SLCO3A1: variants seen among roughly 807,000 people sequenced by gnomAD.
SLCO3A1 encodes PGE1 transporter.
A neutral mutation model predicts 63.1 loss-of-function variants in SLCO3A1; 27 were observed. The observed-to-expected ratio is 0.43, with a 90% CI of 0.32 to 0.59. The LOEUF (loss-of-function observed/expected upper bound fraction) is 0.59. SLCO3A1 is among the 20% of genes least tolerant of loss of function. The pLI is 0.09. For missense variants in SLCO3A1, 773 were observed against 945.8 expected (o/e 0.82, Z 2.40); for synonymous variants, 473 against 409.9 (o/e 1.15, Z -1.86).
intron 2 of SLCO3A1, among the ~76,000 whole-genome samples, chr15:92,007,591 G>C (rs1243667465): frequency 4.6e-5 from 7 of 152,182 alleles, no homozygotes; most frequent in African/African-American, 1.7e-4. Context: ...TGCATAGGAA[G>C]GGAGGAGCAA....
intron 1 of SLCO3A1, among the ~76,000 whole-genome samples, chr15:91,910,827 A>T (rs1465866066): frequency 1.3e-5 from 2 of 152,230 alleles, no homozygotes; most frequent in African/African-American, 4.8e-5. Context: ...CCAGTCTTGC[A>T]GGTGGGAGGA....
chr15:91,880,399 C>CTGTGTGTGTGTGTGTGTGTGTGTGTG (rs1158728794), intron 1 of SLCO3A1, among the ~76,000 whole-genome samples: 2 of 114,480 alleles, frequency 1.7e-5, no homozygotes, highest in African/African-American at 6.4e-5. Context: ...CTCTCTCTCT[C>CTGTGTGTGTGTGTGTGTGTGTGTGTG]TCTCTCTCTC....
intron 2 of SLCO3A1, among the ~76,000 whole-genome samples, chr15:92,083,440 T>C (rs2047370227): frequency 6.6e-6 from 1 of 152,148 alleles, no homozygotes; most frequent in Non-Finnish European, 1.5e-5. Flanking sequence ...GAGGTTTGAG[T>C]GCAGGGCAGC....
chr15:91,974,785 G>C (rs1442697755), intron 2 of SLCO3A1, among the ~76,000 whole-genome samples: 1 of 152,206 alleles, frequency 6.6e-6, no homozygotes, highest in Non-Finnish European at 1.5e-5. Flanking sequence ...CTGTGATAGG[G>C]TAGGGGTGAC....
chr15:91,866,770 G>A lies in SLCO3A1; in HGVS notation c.180+12682G>A, dbSNP rs573247139. Among the ~76,000 whole-genome samples, 7 of 152,080 alleles carry A rather than the reference G, an allele frequency of 4.6e-5. No homozygotes were observed. The South Asian group carries it at 8.3e-4, about 18-fold the overall frequency. On this transcript the variant is annotated intron_variant, in intron 1 of 9. Transcript: ENST00000318445. The stretch of plus-strand genomic sequence containing the variant: ...TCATTAATGACTCATTCATTAGGAC[G>A]TTTCAGGTCCTGGGCCAGGTGGCAG...
downstream of SLCO3A1, among the ~76,000 whole-genome samples, chr15:92,170,348 C>G (rs1434010051): frequency 6.6e-6 from 1 of 152,202 alleles, no homozygotes; most frequent in Non-Finnish European, 1.5e-5. Context: ...ACCTGCTACC[C>G]ACGTGCCGGG....
At chr15:91,940,779 T>A (rs946067863) in intron 2 of SLCO3A1, among the ~76,000 whole-genome samples, 5 of 152,130 alleles carry the variant, frequency 3.3e-5, no homozygotes, top group Non-Finnish European at 5.9e-5. Flanking sequence ...TCCCCCTTTC[T>A]ATGGGGAGAT....
Position 91,885,826 on chromosome 15 carries a change from A to T in SLCO3A1, c.181-30167A>T, listed in dbSNP as rs187056306. Among the ~76,000 whole-genome samples, 34 of 152,318 alleles carry T rather than the reference A, an allele frequency of 2.2e-4. No individual in the cohort carries two copies. Among genetic ancestry groups the T allele is most frequent in the Non-Finnish European group, 1.0e-4 (7 of 68,040 alleles). On this transcript the variant is annotated intron_variant, in intron 1 of 9. Coordinates refer to ENST00000318445, the MANE Select transcript of SLCO3A1 (RefSeq NM_013272.4). The surrounding 1 kb of genome is among the most constrained non-coding windows in gnomAD (Gnocchi z 4.7). ...CTCTCTGGGCGGGTGATATTTGAGT[A>T]GATTTGAAAGAAGTGTGAGATCAAA...
At chr15:91,978,661 T>C (rs1158125041) in intron 2 of SLCO3A1, among the ~76,000 whole-genome samples, 2 of 152,386 alleles carry the variant, frequency 1.3e-5, no homozygotes, top group Non-Finnish European at 2.9e-5. Flanking sequence ...TTGGAGTTTA[T>C]TTATTAACCC....
chr15:91,986,093 G>A (rs4312282), intron 2 of SLCO3A1, among the ~76,000 whole-genome samples: 34,720 of 152,046 alleles, frequency 0.23, 4,445 homozygotes, highest in East Asian at 0.34. Context: ...CAGTGGAGGT[G>A]GGCTCTGGGA....
intron 2 of SLCO3A1, among the ~76,000 whole-genome samples, chr15:92,042,908 T>TTTTAA (rs2046816709): frequency 2.6e-5 from 4 of 151,862 alleles, no homozygotes; most frequent in Non-Finnish European, 4.4e-5. Context: ...CATCAGCAGG[T>TTTTAA]GTTAAGGTGT....
downstream of SLCO3A1, chr15:92,166,055 G>A: frequency 6.6e-6 from 2 of 304,412 alleles, no homozygotes; most frequent in Non-Finnish European, 9.6e-6. Context: ...TTTGTTTTTT[G>A]TTTTGTTTTG....
In SLCO3A1 at chr15:92,033,866, A is replaced by G. The variant is rs2046687498; in HGVS notation, c.647-61015A>G. ...GTTATCTGGAGGAAAAACATTCCAG[A>G]CAGACCAGTGAGGGCTGAGGCTTAT... On this transcript the variant is annotated intron_variant, in intron 2 of 9. Transcript: ENST00000318445. This position sits in a 1 kb window ranked among gnomAD's most constrained non-coding sequence, Gnocchi z 4.5. 6.6e-6 allele frequency among the ~76,000 whole-genome samples: 1 copy of G among 152,130 alleles called. No homozygotes were observed. The highest frequency in any genetic ancestry group is 1.5e-5 in the Non-Finnish European group (1 of 68,002).
intron 4 of SLCO3A1, 133 bp downstream of exon 4, chr15:92,104,675 C>T: frequency 1.1e-6 from 1 of 885,114 alleles, no homozygotes; most frequent in Non-Finnish European, 1.7e-6. Context: ...GCTTGCATGG[C>T]TGGCCTCTAC....
At position 92,165,237 on chromosome 15, in the gene SLCO3A1, A is replaced by T. The variant is rs565514903; in HGVS notation, c.*2102A>T. 16 of 984,510 alleles carry T rather than the reference A, an allele frequency of 1.6e-5. No homozygotes were observed. The highest frequency in any genetic ancestry group is 1.9e-5 in the Non-Finnish European group (16 of 829,896). The allele number at this position is 984,510 out of a possible 1,614,324, so 61.0% of individuals were successfully genotyped here. A position where few individuals can be genotyped will look rare whatever the true frequency, so the allele number is the denominator to read the frequency against. ...TCTGAGACAGGCCTTTCAACTGCTTAGTGTTAGTATGTCCTTGCTTATGAA... is the reference window on the plus strand; with the variant it reads ...TCTGAGACAGGCCTTTCAACTGCTTTGTGTTAGTATGTCCTTGCTTATGAA... On this transcript the variant is annotated 3_prime_UTR_variant, in exon 10 of 10. Coordinates refer to ENST00000318445, the MANE Select transcript of SLCO3A1 (RefSeq NM_013272.4).
At chr15:92,089,737 C>T (rs1414324858) in intron 2 of SLCO3A1, among the ~76,000 whole-genome samples, 2 of 152,148 alleles carry the variant, frequency 1.3e-5, no homozygotes, top group Non-Finnish European at 2.9e-5. Context: ...AAAAGGCAGA[C>T]TCACCACCAG....
chr15:92,130,544 A>G (rs949675084), intron 7 of SLCO3A1, among the ~76,000 whole-genome samples: 4 of 152,146 alleles, frequency 2.6e-5, no homozygotes, highest in Admixed American at 2.6e-4. Flanking sequence ...GGATTTGGAG[A>G]CCCAGAGCAA....
intron 7 of SLCO3A1, among the ~76,000 whole-genome samples, chr15:92,136,043 G>T (rs77716205): frequency 6.6e-6 from 1 of 152,152 alleles, no homozygotes; most frequent in South Asian, 2.1e-4. Context: ...GCTTACTTGA[G>T]CCCAGGAGTT....
intron 1 of SLCO3A1, among the ~76,000 whole-genome samples, chr15:91,874,699 C>G (rs1312304926): frequency 6.6e-6 from 1 of 152,248 alleles, no homozygotes; most frequent in African/African-American, 2.4e-5. Flanking sequence ...CCGCTCCGAT[C>G]ATCGCTGTAG....
Sources: gnomAD v4.1 joint callset for allele counts (sites outside exome capture counted in the v4.1 genomes callset) on GRCh38, gnomAD v4.1.1 for gene constraint, Gnocchi (gnomAD v3.1) non-coding constraint, MANE v1.5 for transcripts, NCBI Gene and HGNC (gene_info 2026-07-23, HGNC 2026-07-21) for gene names.